Variants in KCNMA1 observed in about 807,000 individuals in gnomAD.
KCNMA1 encodes Calcium-activated potassium channel subunit alpha-1.
In KCNMA1, 29 loss-of-function variants were observed where a neutral mutation model predicts 140.0. The ratio of observed to expected loss-of-function variants is 0.21; its 90% CI spans 0.15 to 0.28. KCNMA1 has a LOEUF of 0.28. Among genes scored for constraint, KCNMA1 ranks in the 10% least tolerant of loss-of-function variants. The pLI is 1.00. For missense variants in KCNMA1, 880 were observed against 1,602.2 expected (o/e 0.55, Z 7.70); for synonymous variants, 612 against 611.9 (o/e 1.00, Z 0.00).
At chr10:77,448,413 A>T in intron 1 of KCNMA1, among the ~76,000 whole-genome samples, 1 of 152,228 alleles carries the variant, frequency 6.6e-6, no homozygotes, top group East Asian at 1.9e-4. Context: ...AACAAAGACG[A>T]TAATTGTCAC....
At chr10:77,058,198 A>T (rs1312770260) in intron 14 of KCNMA1, among the ~76,000 whole-genome samples, 2 of 152,082 alleles carry the variant, frequency 1.3e-5, no homozygotes, top group Non-Finnish European at 2.9e-5. Context: ...AATGATAAAA[A>T]GGTCAATTCA....
At chr10:77,294,458 A>G (rs11002110) in intron 2 of KCNMA1, among the ~76,000 whole-genome samples, 56,118 of 152,070 alleles carry the variant, frequency 0.37, 11,806 homozygotes, top group African/African-American at 0.56. Flanking sequence ...ACATCTTGGA[A>G]GGCAATGCAG....
chr10:77,094,106 G>A (rs1055884811), intron 9 of KCNMA1, among the ~76,000 whole-genome samples: 1 of 152,178 alleles, frequency 6.6e-6, no homozygotes, highest in Non-Finnish European at 1.5e-5. Context: ...ACTATGAAAT[G>A]GTAAGTGCCA....
intron 1 of KCNMA1, among the ~76,000 whole-genome samples, chr10:77,495,750 T>C (rs2041674754): frequency 6.6e-6 from 1 of 152,062 alleles, no homozygotes; most frequent in Non-Finnish European, 1.5e-5. Context: ...TGTGCTCTGG[T>C]CCCAGCCCAA....
intron 14 of KCNMA1, among the ~76,000 whole-genome samples, chr10:77,062,679 A>G (rs151257808): frequency 9.1e-4 from 138 of 152,342 alleles, no homozygotes; most frequent in African/African-American, 3.1e-3. Context: ...TGGGGCAGAC[A>G]TATGTATCTC....
intron 1 of KCNMA1, among the ~76,000 whole-genome samples, chr10:77,620,160 A>C (rs1481055819): frequency 6.6e-6 from 1 of 152,146 alleles, no homozygotes; most frequent in African/African-American, 2.4e-5. Flanking sequence ...CGACTGCAGA[A>C]CTGTTTTCTC....
chr10:77,099,363 G>A lies in KCNMA1; in HGVS notation c.1224-8853C>T, dbSNP rs186628288. 1.6e-3 allele frequency among the ~76,000 whole-genome samples: 242 copies of A among 152,258 alleles called. 2 individuals carry two copies. Among genetic ancestry groups the A allele is most frequent in the Non-Finnish European group, 3.1e-3 (212 of 68,028 alleles). On this transcript the variant is annotated intron_variant, in intron 9 of 27. Coordinates refer to ENST00000286628, the MANE Select transcript of KCNMA1 (RefSeq NM_001161352.2). ...TTCTCCAGCCACACCCAACGGTGTT[G>A]CCACAGCTAGCATAAGCTGCTAGCC...
chr10:76,873,175 G>A (rs974694970), downstream of KCNMA1: 1 of 152,106 alleles, frequency 6.6e-6, no homozygotes, highest in African/African-American at 2.4e-5. Flanking sequence ...AGGCTCTGTG[G>A]TCTCTTAAGA....
At chr10:76,903,785 A>G (rs2046594014) in intron 25 of KCNMA1, 2 of 152,234 alleles carry the variant, frequency 1.3e-5, no homozygotes, top group South Asian at 4.1e-4. Context: ...AAGTACAGGA[A>G]AGACAGTAAA....
chr10:76,886,507 T>C lies in KCNMA1; in HGVS notation c.*759A>G, dbSNP rs556149041. ...ATTTAATATGCAATCAAACCTCTTT[T>C]CACTTAAACTAAATGACTAGAATTT... is the stretch of plus-strand genomic sequence containing the variant. On this transcript the variant is annotated 3_prime_UTR_variant, in exon 28 of 28. Transcript: ENST00000286628. 2.0e-6 allele frequency: 2 copies of C among 985,006 alleles called. No individual in the cohort carries two copies. The highest frequency in any genetic ancestry group is 2.4e-6 in the Non-Finnish European group (2 of 829,520). The allele number at this position is 985,006 out of a possible 1,614,324, so 61.0% of individuals were successfully genotyped here. A position where few individuals can be genotyped will look rare whatever the true frequency, so the allele number is the denominator to read the frequency against.
At chr10:77,445,275 C>A (rs1175750824) in intron 1 of KCNMA1, among the ~76,000 whole-genome samples, 1 of 151,812 alleles carries the variant, frequency 6.6e-6, no homozygotes, top group African/African-American at 2.4e-5. Context: ...GTGAGCTGAG[C>A]CACGCTGGGG....
At chr10:77,600,700 T>C (rs2082339242) in intron 1 of KCNMA1, among the ~76,000 whole-genome samples, 2 of 151,774 alleles carry the variant, frequency 1.3e-5, no homozygotes, top group African/African-American at 4.8e-5. Context: ...TGAGCTGAGG[T>C]CACGCCATTG....
intron 5 of KCNMA1, 123 bp downstream of exon 5, chr10:77,183,298 C>T (rs1224013918): frequency 8.2e-6 from 6 of 735,196 alleles, no homozygotes; most frequent in South Asian, 5.9e-5. Context: ...TCCAAGAGCC[C>T]GTTGTTCACA....
chr10:77,323,593 C>T (rs772854379), intron 2 of KCNMA1, among the ~76,000 whole-genome samples: 19 of 152,204 alleles, frequency 1.2e-4, no homozygotes, highest in Admixed American at 3.9e-4. Context: ...GCAAGAGGTT[C>T]ACCACATACC....
chr10:76,900,997 A>G (rs551808003), intron 25 of KCNMA1, among the ~76,000 whole-genome samples: 1 of 152,198 alleles, frequency 6.6e-6, no homozygotes, highest in East Asian at 1.9e-4. Flanking sequence ...AATCATTGCT[A>G]TAACAAAAAT....
rs57049025 is a variant in KCNMA1 at position 77,382,959 on chromosome 10, CGTGTGTGTGTGTGT to C, written c.540+20889_540+20902del. On this transcript the variant is annotated intron_variant, in intron 2 of 27. Transcript: ENST00000286628. Reference sequence around the variant, plus strand: ...ATATATACACATATACATATATATACGTGTGTGTGTGTGTGTGTGTGTGTGTGTGTGTGTGTATA... The same window carrying C: ...ATATATACACATATACATATATATACGTGTGTGTGTGTGTGTGTGTGTATA... 1.5e-3 allele frequency among the ~76,000 whole-genome samples: 118 copies of C among 76,988 alleles called. 1 individual carries two copies. Among genetic ancestry groups the C allele is most frequent in the African/African-American group, 5.0e-3 (106 of 21,248 alleles). The allele number at this position is 76,988 out of a possible 152,430, so 50.5% of individuals were successfully genotyped here. A position where few individuals can be genotyped will look rare whatever the true frequency, so the allele number is the denominator to read the frequency against.
At chr10:77,568,351 C>A (rs1050910171) in intron 1 of KCNMA1, among the ~76,000 whole-genome samples, 20 of 152,274 alleles carry the variant, frequency 1.3e-4, no homozygotes, top group African/African-American at 2.6e-4. Flanking sequence ...TACTGGCAAA[C>A]CGAATCCAGC....
intron 2 of KCNMA1, among the ~76,000 whole-genome samples, chr10:77,295,564 G>A (rs2074705031): frequency 6.6e-6 from 1 of 151,594 alleles, no homozygotes; most frequent in African/African-American, 2.4e-5. Flanking sequence ...GGTGGATCAT[G>A]AGGTCAGGAG....
intron 2 of KCNMA1, among the ~76,000 whole-genome samples, chr10:77,285,531 G>C (rs192131018): frequency 6.6e-6 from 1 of 152,180 alleles, no homozygotes; most frequent in African/African-American, 2.4e-5. Context: ...GTTACATAGG[G>C]ATGGCATATG....
Sources: allele counts gnomAD v4.1 joint callset (sites outside exome capture counted in the v4.1 genomes callset), GRCh38; gene constraint gnomAD v4.1.1; transcripts MANE v1.5; gene names NCBI Gene and HGNC (gene_info 2026-07-23, HGNC 2026-07-21).